KDM5A: variants seen among roughly 807,000 people sequenced by gnomAD.
KDM5A encodes lysine demethylase 5A, also known as lysine-specific demethylase 5A.
In KDM5A, 42 loss-of-function variants were observed where a neutral mutation model predicts 193.5. That is an observed-to-expected ratio of 0.22 (90% CI 0.17 to 0.28). The LOEUF is 0.28. Among genes scored for constraint, KDM5A ranks in the 10% least tolerant of loss-of-function variants. KDM5A has a pLI of 1.00. For missense variants in KDM5A, 1,692 were observed against 2,055.1 expected, an observed-to-expected ratio of 0.82 and a Z score of 3.42; for synonymous variants, 796 against 718.1, an observed-to-expected ratio of 1.11 and a Z score of -1.73.
At chr12:381,411 C>T (rs1231294389) in intron 3 of KDM5A, among the ~76,000 whole-genome samples, 1 of 152,106 alleles carries the variant, frequency 6.6e-6, no homozygotes, top group Non-Finnish European at 1.5e-5. Flanking sequence ...AGTGCCGAGC[C>T]AATTTTTGAA....
intron 27 of KDM5A, 49 bp from the exon 28 acceptor site, chr12:285,711 C>T (rs1317187190): frequency 1.3e-6 from 2 of 1,550,120 alleles, no homozygotes; most frequent in Admixed American, 3.3e-5. Flanking sequence ...AACATTAAGC[C>T]TAGAATAAAA....
chr12:302,085 T>C (rs1219997543), intron 24 of KDM5A, among the ~76,000 whole-genome samples: 1 of 152,096 alleles, frequency 6.6e-6, no homozygotes, highest in Non-Finnish European at 1.5e-5. Context: ...ATCATGAAAA[T>C]GGCCATACTG....
In KDM5A at chr12:388,454, G is replaced by T. The variant is rs1240862443; in HGVS notation, c.165+473C>A. 6 of 390,654 alleles carry T rather than the reference G, an allele frequency of 1.5e-5. No individual in the cohort carries two copies. The East Asian group carries it at 4.3e-4, about 28-fold the overall frequency. 24.2% of individuals were successfully genotyped at this position (390,654 alleles called of 1,614,324 possible). ...TTTCACTGCGGCAATAATTAGTCTG[G>T]AGTTCTTGTCTAGTAATACCATCCG... On this transcript the variant is annotated intron_variant, in intron 1 of 27. Coordinates refer to ENST00000399788, the MANE Select transcript of KDM5A (RefSeq NM_001042603.3).
At chr12:297,444 G>C (rs1002989755) in intron 24 of KDM5A, among the ~76,000 whole-genome samples, 1 of 152,198 alleles carries the variant, frequency 6.6e-6, no homozygotes, top group African/African-American at 2.4e-5. Flanking sequence ...TAATTCTGAT[G>C]AATGTGTAAG....
intron 3 of KDM5A, among the ~76,000 whole-genome samples, chr12:379,720 A>G (rs1034932456): frequency 6.6e-6 from 1 of 152,214 alleles, no homozygotes; most frequent in Non-Finnish European, 1.5e-5. Flanking sequence ...AAAAACCCAC[A>G]AAGACAAGAT....
intron 17 of KDM5A, 54 bp from the exon 18 acceptor site, chr12:321,163 T>A: frequency 1.6e-6 from 2 of 1,216,706 alleles, no homozygotes; most frequent in Non-Finnish European, 2.4e-6. Context: ...CATTCTGATA[T>A]CAAAAGGGCT....
intron 10 of KDM5A, among the ~76,000 whole-genome samples, chr12:343,805 G>A (rs1394826876): frequency 6.6e-6 from 1 of 152,154 alleles, no homozygotes; most frequent in Non-Finnish European, 1.5e-5. Context: ...CACAAAGATG[G>A]GGAGAAACCA....
Position 389,114 on chromosome 12 carries a change from G to T in KDM5A, c.-23C>A, listed in dbSNP as rs765715109. On this transcript the variant is annotated 5_prime_UTR_variant, in exon 1 of 28. Coordinates refer to ENST00000399788, the MANE Select transcript of KDM5A (RefSeq NM_001042603.3). Reference sequence around the variant, plus strand: ...CATTGCAACGGCCGGGGGGGGGGGGGGGTCCCCGTGGGGAACCGGTGGAGA... The same window carrying T: ...CATTGCAACGGCCGGGGGGGGGGGGTGGTCCCCGTGGGGAACCGGTGGAGA... 2.2e-5 allele frequency: 33 copies of T among 1,514,282 alleles called. No homozygotes were observed. Among genetic ancestry groups the T allele is most frequent in the South Asian group, 7.0e-5 (6 of 85,398 alleles). 93.8% of individuals were successfully genotyped at this position (1,514,282 alleles called of 1,614,324 possible).
intron 5 of KDM5A, among the ~76,000 whole-genome samples, chr12:357,712 C>A (rs2137459920): frequency 6.7e-6 from 1 of 149,744 alleles, no homozygotes; most frequent in East Asian, 2.0e-4. Context: ...CCTATAGTCC[C>A]AGCTACTTGG....
chr12:386,226 C>T (rs539504650), intron 1 of KDM5A, among the ~76,000 whole-genome samples: 5 of 152,166 alleles, frequency 3.3e-5, no homozygotes, highest in Non-Finnish European at 7.4e-5. Context: ...TTTGGAATAT[C>T]TGCATATACA....
chr12:323,239 A>AT, intron 15 of KDM5A, 33 bp from the exon 16 acceptor site: 2 of 1,472,768 alleles, frequency 1.4e-6, no homozygotes, highest in Non-Finnish European at 1.8e-6. Context: ...AAAAAAAAAA[A>AT]GAAAACAGAA....
At position 363,053 on chromosome 12, in the gene KDM5A, A is replaced by C. The variant is rs1462772948; in HGVS notation, c.582T>G (p.Pro194=). 2 of 1,613,878 alleles carry C rather than the reference A, an allele frequency of 1.2e-6. No homozygotes were observed. Among genetic ancestry groups the C allele is most frequent in the African/African-American group, 2.7e-5 (2 of 74,916 alleles). The change falls in exon 5 of 28, where the codon CCT becomes CCG. Residue 194 remains proline (P), a synonymous_variant. Coordinates refer to ENST00000399788, the MANE Select transcript of KDM5A (RefSeq NM_001042603.3). Reference sequence around the variant, plus strand: ...TTTGGGTATCAGTGCTGAGAACCTCAGGCTCCACTTTTTCTTTAAGATCTA... The same window carrying C: ...TTTGGGTATCAGTGCTGAGAACCTCCGGCTCCACTTTTTCTTTAAGATCTA... The part of the protein sequence containing the change: ...PNLDLKEKVE[P]EVLSTDTQTS...
At chr12:311,707 C>A (rs1362139456) in intron 20 of KDM5A, among the ~76,000 whole-genome samples, 1 of 151,604 alleles carries the variant, frequency 6.6e-6, no homozygotes, top group Non-Finnish European at 1.5e-5. Flanking sequence ...CTAAGCAGGT[C>A]CCAGAAAAAC....
At chr12:326,820 G>A (rs564753145) in intron 14 of KDM5A, among the ~76,000 whole-genome samples, 174 of 138,856 alleles carry the variant, frequency 1.3e-3, no homozygotes, top group Non-Finnish European at 2.1e-3. Context: ...AGCCAAGATC[G>A]CGCCACTGCA....
intron 14 of KDM5A, among the ~76,000 whole-genome samples, chr12:327,432 G>A (rs891129356): frequency 1.7e-4 from 26 of 152,210 alleles, no homozygotes; most frequent in African/African-American, 2.6e-4. Context: ...AGTATAGGCC[G>A]GGCACAGTGG....
intron 2 of KDM5A, 92 bp from the exon 3 acceptor site, chr12:384,245 G>T: frequency 2.2e-6 from 2 of 930,040 alleles, no homozygotes; most frequent in Non-Finnish European, 3.5e-6. Flanking sequence ...ATGTGGACCA[G>T]TACCCATCAG....
intron 4 of KDM5A, 62 bp downstream of exon 4, chr12:365,872 A>G (rs1171777242): frequency 1.3e-6 from 2 of 1,548,138 alleles, no homozygotes; most frequent in Non-Finnish European, 1.8e-6. Flanking sequence ...AACACAGTCT[A>G]AAGTTTGTAC....
At position 327,662 on chromosome 12, in the gene KDM5A, C is replaced by T. The variant is rs143848178; in HGVS notation, c.1968+1173G>A. Among the ~76,000 whole-genome samples, 506 of 152,186 alleles carry T rather than the reference C, an allele frequency of 3.3e-3. 3 individuals are homozygous for T. Among genetic ancestry groups the T allele is most frequent in the Non-Finnish European group, 5.4e-3 (367 of 67,992 alleles). On this transcript the variant is annotated intron_variant, in intron 14 of 27. Transcript: ENST00000399788. ...GGCGGAGGTTGCAGTGAGCCAAGAT[C>T]GTGCCACTGCACTCCAGCCTGAGCA...
chr12:299,352 G>A (rs777412382), intron 24 of KDM5A, among the ~76,000 whole-genome samples: 3 of 152,114 alleles, frequency 2.0e-5, no homozygotes, highest in Non-Finnish European at 2.9e-5. Flanking sequence ...CGGATCTCTC[G>A]CAGAAACTCT....
Sources: allele counts gnomAD v4.1 joint callset (sites outside exome capture counted in the v4.1 genomes callset), GRCh38; gene constraint gnomAD v4.1.1; transcripts MANE v1.5; gene names NCBI Gene and HGNC (gene_info 2026-07-23, HGNC 2026-07-21).